Variants in MYPN observed in about 807,000 individuals in gnomAD.
MYPN encodes sarcomeric protein myopalladin, 145 kDa (MYOP).
MYPN carries 63 observed loss-of-function variants against 129.4 expected under a neutral mutation model. The observed-to-expected ratio is 0.49, with a 90% CI of 0.40 to 0.60. The LOEUF (loss-of-function observed/expected upper bound fraction) is 0.60. Among genes scored for constraint, MYPN ranks in the 20% least tolerant of loss-of-function variants. MYPN has a pLI of 0.00. For synonymous variants in MYPN, 629 were observed against 600.9 expected, an observed-to-expected ratio of 1.05 and a Z score of -0.68; for missense variants, 1,596 against 1,635.4, an observed-to-expected ratio of 0.98 and a Z score of 0.42.
At chr10:68,203,355 A>G (rs1289622187) in intron 18 of MYPN, among the ~76,000 whole-genome samples, 1 of 152,124 alleles carries the variant, frequency 6.6e-6, no homozygotes, top group Middle Eastern at 3.2e-3. Context: ...TTGGGAGGCC[A>G]AGGCAGGAGG....
chr10:68,102,536 T>C (rs1360072397), upstream of MYPN, among the ~76,000 whole-genome samples: 1 of 152,214 alleles, frequency 6.6e-6, no homozygotes, highest in African/African-American at 2.4e-5. Context: ...TTATTATACC[T>C]TCAAATTTGA....
chr10:68,147,680 A>AGGG (rs1211779768), intron 4 of MYPN, among the ~76,000 whole-genome samples: 2 of 151,962 alleles, frequency 1.3e-5, no homozygotes, highest in African/African-American at 4.8e-5. Context: ...TTACCGAGAG[A>AGGG]GATGGCCTTC....
At chr10:68,095,722 G>A (rs1388129222) in intron 1 of MYPN, among the ~76,000 whole-genome samples, 2 of 152,172 alleles carry the variant, frequency 1.3e-5, no homozygotes, top group Non-Finnish European at 2.9e-5. Context: ...AAGTCCTAGG[G>A]ACAGAAAGGA....
intron 13 of MYPN, among the ~76,000 whole-genome samples, chr10:68,190,459 T>TA (rs1554849406): frequency 1.3e-5 from 2 of 152,326 alleles, no homozygotes; most frequent in Admixed American, 1.3e-4. Flanking sequence ...CCCAAAGTAC[T>TA]GGATTACAGG....
intron 1 of MYPN, among the ~76,000 whole-genome samples, chr10:68,093,925 G>A (rs1436819145): frequency 3.3e-5 from 5 of 151,998 alleles, no homozygotes; most frequent in African/African-American, 1.2e-4. Context: ...AGAACTGAGG[G>A]CCCCTCCACT....
chr10:68,098,757 C>T (rs978244983), intron 1 of MYPN, among the ~76,000 whole-genome samples: 3 of 152,032 alleles, frequency 2.0e-5, no homozygotes, highest in African/African-American at 7.2e-5. Context: ...GCAGGAGAAT[C>T]GCTTGAACCC....
intron 8 of MYPN, among the ~76,000 whole-genome samples, chr10:68,162,665 C>A (rs1024193531): frequency 2.0e-5 from 3 of 152,320 alleles, no homozygotes; most frequent in Admixed American, 6.5e-5. Flanking sequence ...TATTATAATT[C>A]TCTCTTCAGG....
At chr10:68,126,218 C>T (rs1564650006) in intron 2 of MYPN, among the ~76,000 whole-genome samples, 1 of 152,094 alleles carries the variant, frequency 6.6e-6, no homozygotes, top group Non-Finnish European at 1.5e-5. Context: ...GGAATGGGTC[C>T]TTTCAGGCCA....
At chr10:68,179,397 G>A (rs2043279288) in intron 12 of MYPN, among the ~76,000 whole-genome samples, 1 of 152,202 alleles carries the variant, frequency 6.6e-6, no homozygotes, top group Non-Finnish European at 1.5e-5. Flanking sequence ...CTCAGACTGG[G>A]CGGTGTCTTG....
At chr10:68,138,160 T>C (rs1163702532) in intron 2 of MYPN, among the ~76,000 whole-genome samples, 2 of 151,198 alleles carry the variant, frequency 1.3e-5, no homozygotes, top group Admixed American at 1.3e-4. Context: ...TGGGGTGCAG[T>C]GCCGCGATTT....
chr10:68,137,699 C>T (rs994900700), intron 2 of MYPN, among the ~76,000 whole-genome samples: 5 of 152,020 alleles, frequency 3.3e-5, no homozygotes, highest in African/African-American at 1.2e-4. Context: ...TACAAGTTTT[C>T]CAAACTTCTA....
At chr10:68,204,862 C>A (rs182139272) in intron 18 of MYPN, among the ~76,000 whole-genome samples, 205 of 152,122 alleles carry the variant, frequency 1.3e-3, no homozygotes, top group African/African-American at 4.6e-3. Flanking sequence ...CCCCTGCCTT[C>A]TTCCTAGTCC....
rs368098592 is a variant in MYPN at position 68,170,867 on chromosome 10, G to C, written c.1974-3199G>C. ...GGTCTAGAGTTAGAGAAATAACCCC[G>C]GCCGGGCATGGTGGCTCAAGCCTGT... On this transcript the variant is annotated intron_variant, in intron 10 of 19. Transcript: ENST00000358913. 7.2e-5 allele frequency among the ~76,000 whole-genome samples: 11 copies of C among 152,092 alleles called. No homozygotes were observed. The East Asian group carries it at 1.7e-3, about 24-fold the overall frequency.
At chr10:68,132,359 T>C (rs559677784) in intron 2 of MYPN, among the ~76,000 whole-genome samples, 1 of 152,374 alleles carries the variant, frequency 6.6e-6, no homozygotes, top group African/African-American at 2.4e-5. Context: ...TAATCCACTA[T>C]CTTTTCATAT....
At chr10:68,172,179 C>A (rs1207699226) in intron 10 of MYPN, among the ~76,000 whole-genome samples, 1 of 152,070 alleles carries the variant, frequency 6.6e-6, no homozygotes, top group Admixed American at 6.6e-5. Context: ...CATGACGAGA[C>A]CCCCAACTCT....
chr10:68,099,261 T>C (rs143488112), intron 1 of MYPN, among the ~76,000 whole-genome samples: 30 of 152,304 alleles, frequency 2.0e-4, no homozygotes, highest in African/African-American at 6.7e-4. Context: ...CTGGCTTACA[T>C]GGATATGCAG....
At chr10:68,102,122 C>CTTTTTTTTT (rs35930233), upstream of MYPN, among the ~76,000 whole-genome samples, 2 of 108,416 alleles carry the variant, frequency 1.8e-5, no homozygotes, top group African/African-American at 4.0e-5. Flanking sequence ...TTTCTCTCTC[C>CTTTTTTTTT]TTTTTTTTTT....
intron 1 of MYPN, among the ~76,000 whole-genome samples, chr10:68,119,691 C>A (rs557464723): frequency 1.3e-5 from 2 of 152,166 alleles, no homozygotes; most frequent in Non-Finnish European, 2.9e-5. Context: ...GGATCATAGG[C>A]GTGCGCCGCT....
At chr10:68,089,258 C>T (rs1015761039) in intron 1 of MYPN, among the ~76,000 whole-genome samples, 22 of 152,268 alleles carry the variant, frequency 1.4e-4, no homozygotes, top group Admixed American at 8.5e-4. Flanking sequence ...TCTTGAACTC[C>T]TGGCCTCAAG....
Sources: allele counts gnomAD v4.1 joint callset (sites outside exome capture counted in the v4.1 genomes callset), GRCh38; gene constraint gnomAD v4.1.1; transcripts MANE v1.5; gene names NCBI Gene and HGNC (gene_info 2026-07-23, HGNC 2026-07-21).